Variants in SEMA3C observed in about 807,000 individuals in gnomAD.
SEMA3C encodes the protein semaphorin-3C.
SEMA3C carries 47 observed loss-of-function variants against 89.4 expected under a neutral mutation model. The ratio of observed to expected loss-of-function variants is 0.53; its 90% CI spans 0.42 to 0.67. SEMA3C has a LOEUF of 0.67. SEMA3C is among the 30% of genes least tolerant of loss of function. The pLI, the probability that SEMA3C is intolerant of heterozygous loss-of-function variation, is 0.00. For synonymous variants in SEMA3C, 310 were observed against 320.2 expected, an observed-to-expected ratio of 0.97 and a Z score of 0.34; for missense variants, 839 against 929.1, an observed-to-expected ratio of 0.90 and a Z score of 1.26.
At chr7:80,856,500 G>T (rs756077759) in intron 2 of SEMA3C, among the ~76,000 whole-genome samples, 4 of 116,906 alleles carry the variant, frequency 3.4e-5, no homozygotes, top group Non-Finnish European at 6.5e-5. Context: ...CCCAGCCAGA[G>T]ATTTTCAAAG....
intron 15 of SEMA3C, among the ~76,000 whole-genome samples, chr7:80,756,617 T>C (rs1337956590): frequency 3.9e-5 from 6 of 152,236 alleles, no homozygotes; most frequent in African/African-American, 1.4e-4. Context: ...CATTCTGACC[T>C]CATTTCTTCC....
intron 15 of SEMA3C, 116 bp from the exon 16 acceptor site, chr7:80,751,452 T>G: frequency 1.1e-6 from 1 of 891,206 alleles, no homozygotes; most frequent in Non-Finnish European, 1.8e-6. Context: ...TTTCATAAAA[T>G]TTTTTAAAAA....
chr7:80,822,457 G>A (rs980339985), intron 4 of SEMA3C, among the ~76,000 whole-genome samples: 7 of 151,716 alleles, frequency 4.6e-5, no homozygotes, highest in African/African-American at 1.7e-4. Context: ...ACATGAGAGT[G>A]CAGGATTTAC....
At position 80,761,650 on chromosome 7, in the gene SEMA3C, G is replaced by C. The variant is rs138970370; in HGVS notation, c.1451C>G (p.Ala484Gly). ...TGAAATTTTCATTGTTGTTATAGGA[G>C]CATGATTCTAAAATATTAGAAAACA... ...LEELEVFKNH[A>G]PITTMKISSK... The change falls in exon 14 of 18, where the codon GCT becomes GGT. Residue 484 changes from alanine to glycine, a missense_variant. By Grantham distance (60) the Ala-to-Gly change is moderately conservative. Transcript: ENST00000265361. 47 of 1,334,648 alleles carry C rather than the reference G, an allele frequency of 3.5e-5. No individual in the cohort carries two copies. The highest frequency in any genetic ancestry group is 4.3e-5 in the Non-Finnish European group (42 of 970,232). 82.7% of individuals were successfully genotyped at this position (1,334,648 alleles called of 1,614,324 possible). A position where few individuals can be genotyped will look rare whatever the true frequency, so the allele number is the denominator to read the frequency against.
chr7:80,778,414 T>A (rs901290478), intron 12 of SEMA3C, among the ~76,000 whole-genome samples: 8 of 152,198 alleles, frequency 5.3e-5, no homozygotes, highest in African/African-American at 1.9e-4. Context: ...TTTAATCCTT[T>A]ACTGTTTGGG....
chr7:80,872,142 A>T (rs1222544278), intron 2 of SEMA3C, among the ~76,000 whole-genome samples: 1 of 152,028 alleles, frequency 6.6e-6, no homozygotes, highest in Admixed American at 6.6e-5. Context: ...CGTTTTTCTC[A>T]GAATCTCCTT....
intron 13 of SEMA3C, among the ~76,000 whole-genome samples, chr7:80,762,648 T>C (rs886542794): frequency 3.9e-5 from 6 of 152,056 alleles, no homozygotes; most frequent in Non-Finnish European, 5.9e-5. Flanking sequence ...AGTGAAACCC[T>C]GTCTCTACTA....
intron 2 of SEMA3C, among the ~76,000 whole-genome samples, chr7:80,901,816 A>G (rs534473915): frequency 1.3e-5 from 2 of 152,348 alleles, no homozygotes; most frequent in African/African-American, 4.8e-5. Context: ...ATTATAAGGT[A>G]TTAAATTTAT....
chr7:80,788,081 C>G (rs994709679), intron 12 of SEMA3C, among the ~76,000 whole-genome samples: 1 of 152,136 alleles, frequency 6.6e-6, no homozygotes, highest in Admixed American at 6.5e-5. Flanking sequence ...TATCTTAGCA[C>G]ACTTTGGAAA....
intron 10 of SEMA3C, among the ~76,000 whole-genome samples, chr7:80,799,267 TTATAC>T (rs934200902): frequency 3.9e-5 from 6 of 152,124 alleles, no homozygotes; most frequent in African/African-American, 1.2e-4. Flanking sequence ...CAGTTTACAA[TTATAC>T]TATGTTTTCC....
At chr7:80,808,996 C>G (rs1027911538) in intron 6 of SEMA3C, among the ~76,000 whole-genome samples, 1 of 152,086 alleles carries the variant, frequency 6.6e-6, no homozygotes, top group Non-Finnish European at 1.5e-5. Context: ...AGGCTGGTCT[C>G]GAACTTCCAG....
intron 2 of SEMA3C, among the ~76,000 whole-genome samples, chr7:80,883,367 C>T (rs1391819465): frequency 3.9e-5 from 6 of 152,164 alleles, no homozygotes; most frequent in South Asian, 2.1e-4. Flanking sequence ...ATTCCAATCA[C>T]AAAAAGCAGA....
chr7:80,845,458 T>G (rs1349734133), intron 2 of SEMA3C, among the ~76,000 whole-genome samples: 1 of 152,026 alleles, frequency 6.6e-6, no homozygotes, highest in Non-Finnish European at 1.5e-5. Flanking sequence ...ATATGATAAA[T>G]GCCTGTAAAG....
chr7:80,865,728 G>C (rs1191768919), intron 2 of SEMA3C, among the ~76,000 whole-genome samples: 1 of 152,022 alleles, frequency 6.6e-6, no homozygotes, highest in African/African-American at 2.4e-5. Flanking sequence ...CCGGGAGGGG[G>C]GGTTACAGTG....
At chr7:80,849,402 T>A (rs1790459869) in intron 2 of SEMA3C, among the ~76,000 whole-genome samples, 1 of 151,180 alleles carries the variant, frequency 6.6e-6, no homozygotes, top group East Asian at 2.1e-4. Flanking sequence ...TAATTGTAAA[T>A]CCTTAATATT....
intron 2 of SEMA3C, among the ~76,000 whole-genome samples, chr7:80,840,458 G>A (rs1311402049): frequency 1.4e-5 from 2 of 147,380 alleles, no homozygotes; most frequent in East Asian, 4.2e-4. Context: ...GGTAGAAGCT[G>A]CAGCGAGCTG....
intron 12 of SEMA3C, among the ~76,000 whole-genome samples, chr7:80,774,668 C>T (rs1308236813): frequency 6.6e-6 from 1 of 151,774 alleles, no homozygotes; most frequent in East Asian, 1.9e-4. Flanking sequence ...AGAATTTATG[C>T]AATTGGAAAA....
At chr7:80,764,637 A>G (rs1032948727) in intron 13 of SEMA3C, among the ~76,000 whole-genome samples, 1 of 152,162 alleles carries the variant, frequency 6.6e-6, no homozygotes, top group Non-Finnish European at 1.5e-5. Flanking sequence ...TGAAATCTCA[A>G]GTTCTGAGTG....
intron 4 of SEMA3C, among the ~76,000 whole-genome samples, chr7:80,827,089 C>T (rs984697485): frequency 6.6e-6 from 1 of 152,074 alleles, no homozygotes; most frequent in Non-Finnish European, 1.5e-5. Context: ...GGGAGCTGCT[C>T]CAGACACTTG....
Sources: allele counts gnomAD v4.1 joint callset (sites outside exome capture counted in the v4.1 genomes callset), GRCh38; gene constraint gnomAD v4.1.1; transcripts MANE v1.5; gene names NCBI Gene and HGNC (gene_info 2026-07-23, HGNC 2026-07-21).